The following LRP5 variants were observed in gnomAD, a reference collection of about 807,000 sequenced individuals.
LRP5 encodes low-density lipoprotein receptor-related protein 5.
In LRP5, 62 loss-of-function variants were observed where a neutral mutation model predicts 154.1. The observed-to-expected ratio is 0.40, with a 90% confidence interval of 0.33 to 0.50. The LOEUF is 0.50. Among genes scored for constraint, LRP5 ranks in the 20% least tolerant of loss-of-function variants. The pLI is 0.55. For synonymous variants in LRP5, 966 were observed against 1,011.5 expected (o/e 0.96, Z 0.85); for missense variants, 1,915 against 2,336.7 (o/e 0.82, Z 3.72).
At chr11:68,322,876 G>A (rs2098597488) in intron 1 of LRP5, among the ~76,000 whole-genome samples, 1 of 152,230 alleles carries the variant, frequency 6.6e-6, no homozygotes, top group Admixed American at 6.5e-5. Flanking sequence ...TGGGGTGTGG[G>A]AAACCCAGTG....
Position 68,448,794 on chromosome 11 carries a change from G to A in LRP5, c.4587-15G>A, listed in dbSNP as rs539199855. 5.0e-6 allele frequency: 8 copies of A among 1,602,360 alleles called. No homozygotes were observed. In the African/African-American group the frequency reaches 9.3e-5, roughly 19 times the overall value. On this transcript the variant is annotated splice_polypyrimidine_tract_variant and intron_variant, in intron 22 of 22. Coordinates refer to ENST00000294304, the MANE Select transcript of LRP5 (RefSeq NM_002335.4). Reference sequence around the variant, plus strand: ...TGCCTACCGAATCCCACTCCTCTGTGTGTGTCCCTTTCAGGCCCTACATCA... The same window carrying A: ...TGCCTACCGAATCCCACTCCTCTGTATGTGTCCCTTTCAGGCCCTACATCA...
At chr11:68,354,153 C>T (rs1000005386) in intron 2 of LRP5, among the ~76,000 whole-genome samples, 6 of 152,252 alleles carry the variant, frequency 3.9e-5, no homozygotes, top group African/African-American at 1.2e-4. Context: ...AAATAACACA[C>T]AACCACAACC....
Position 68,423,508 on chromosome 11 carries a change from T to C in LRP5, c.3047T>C (p.Leu1016Pro), listed in dbSNP as rs775499713. The C allele has an allele frequency of 3.8e-5, 62 of 1,614,060 alleles. No homozygotes were observed. The highest frequency in any genetic ancestry group is 4.9e-5 in the Non-Finnish European group (58 of 1,180,026). The change falls in exon 14 of 23, where the codon CTG (leucine) becomes CCG (proline). Residue 1016 changes from leucine (L) to proline (P), a missense_variant. By Grantham distance (98) the Leu-to-Pro change is moderately conservative. Around this residue, in one of 3 missense-constraint regions of LRP5, gnomAD observed 1,094 missense variants for 1,210.1 expected, o/e 0.90. Coordinates refer to ENST00000294304, the MANE Select transcript of LRP5 (RefSeq NM_002335.4). This position sits in a 1 kb window ranked among gnomAD's most constrained non-coding sequence, Gnocchi z 4.7. ...TTACAGCCCTTTGTTTTGACCTCTC[T>C]GAGCCAAGGCCAAAACCCAGACAGG... is the stretch of plus-strand genomic sequence containing the variant. Reference protein sequence around the residue: ...DGTQPFVLTSLSQGQNPDRQP... With the variant: ...DGTQPFVLTSPSQGQNPDRQP...
chr11:68,409,850 C>CAAAA (rs371789773), intron 9 of LRP5, 64 bp from the exon 10 acceptor site: 7 of 1,127,606 alleles, frequency 6.2e-6, no homozygotes, highest in Admixed American at 2.0e-5. Context: ...AACTCCGTCT[C>CAAAA]AAAAAAAAAA....
chr11:68,370,397 C>T (rs1187542703), intron 5 of LRP5, among the ~76,000 whole-genome samples: 1 of 152,074 alleles, frequency 6.6e-6, no homozygotes, highest in Non-Finnish European at 1.5e-5. Context: ...GAGGAGGCTG[C>T]CTGCGCTCAC....
chr11:68,365,173 A>T (rs1164015702), intron 4 of LRP5, among the ~76,000 whole-genome samples: 2 of 151,988 alleles, frequency 1.3e-5, no homozygotes, highest in Admixed American at 1.3e-4. Flanking sequence ...CGGCCATTGG[A>T]GCGTGGGGGG....
the LRP5 span, among the ~76,000 whole-genome samples, chr11:68,299,642 G>A: frequency 6.7e-6 from 1 of 150,096 alleles, no homozygotes; most frequent in Non-Finnish European, 1.5e-5. Context: ...GAGTACAGTG[G>A]CGCAATCTCA....
At chr11:68,425,843 A>C in intron 15 of LRP5, 135 bp from the exon 16 acceptor site, 1 of 770,666 alleles carries the variant, frequency 1.3e-6, no homozygotes, top group South Asian at 1.6e-5. Flanking sequence ...ACTCTGCTGC[A>C]GCTCCCACCC....
intron 1 of LRP5, among the ~76,000 whole-genome samples, chr11:68,316,259 T>C (rs1246640767): frequency 6.6e-6 from 1 of 152,122 alleles, no homozygotes; most frequent in Non-Finnish European, 1.5e-5. Context: ...TAGTACCACG[T>C]ATGGGTGTTT....
chr11:68,324,544 G>A (rs2098598559), intron 1 of LRP5, among the ~76,000 whole-genome samples: 1 of 152,248 alleles, frequency 6.6e-6, no homozygotes, highest in Admixed American at 6.5e-5. Flanking sequence ...GAGGTGTGCA[G>A]AGGATGGGTC....
At chr11:68,391,277 G>T (rs2098646170) in intron 7 of LRP5, among the ~76,000 whole-genome samples, 1 of 150,368 alleles carries the variant, frequency 6.7e-6, no homozygotes, top group Non-Finnish European at 1.5e-5. Context: ...CCTCTGTTGA[G>T]CATATTTTGA....
rs758494958 is a variant in LRP5, at chr11:68,413,898, G to A, written c.2713G>A (p.Asp905Asn). Residue 905 changes from aspartate (D) to asparagine (N), a missense_variant, in exon 12 of 23, where the codon GAC becomes AAC. By Grantham distance (23) the Asp-to-Asn change is conservative. Coordinates refer to ENST00000294304, the MANE Select transcript of LRP5 (RefSeq NM_002335.4). The surrounding 1 kb of genome is among the most constrained non-coding windows in gnomAD (Gnocchi z 5.1). ...CTCCTCCCGCCAGGATGGCCTCAAT[G>A]ACTGTATGCACAACAACGGGCAGTG... ...FHSSRQDGLN[D>N]CMHNNGQCGQ... 16 of 1,612,864 alleles carry A rather than the reference G, an allele frequency of 9.9e-6. No homozygotes were observed. Among genetic ancestry groups the A allele is most frequent in the Non-Finnish European group, 7.6e-6 (9 of 1,180,050 alleles).
intron 1 of LRP5, among the ~76,000 whole-genome samples, chr11:68,326,036 G>C (rs905121291): frequency 2.0e-5 from 3 of 152,228 alleles, no homozygotes; most frequent in African/African-American, 7.2e-5. Context: ...GCATAGTGTG[G>C]CCTGGTGGCC....
Position 68,446,516 on chromosome 11 carries a change from C to T in LRP5, c.4569C>T (p.Ala1523=), listed in dbSNP as rs755440252. The change falls in exon 22 of 23, where the codon GCC becomes GCT. Residue 1523 remains alanine (A), a synonymous_variant. Coordinates refer to ENST00000294304, the MANE Select transcript of LRP5 (RefSeq NM_002335.4). Reference sequence around the variant, plus strand: ...TGTTCTACTCTTCAAACATTCCGGCCACTGCGAGACCGTACAGGTAGGACA... The same window carrying T: ...TGTTCTACTCTTCAAACATTCCGGCTACTGCGAGACCGTACAGGTAGGACA... The part of the protein sequence containing the change: ...MDMFYSSNIP[A]TARPYRPYII... 1.9e-6 allele frequency: 3 copies of T among 1,614,048 alleles called. No homozygotes were observed. Among genetic ancestry groups the T allele is most frequent in the Admixed American group, 3.3e-5 (2 of 60,022 alleles).
At chr11:68,379,593 T>G (rs1431603256) in intron 5 of LRP5, among the ~76,000 whole-genome samples, 2 of 152,248 alleles carry the variant, frequency 1.3e-5, no homozygotes, top group East Asian at 3.8e-4. Flanking sequence ...TGACTGCTGT[T>G]TCTCCTGTTA....
intron 6 of LRP5, among the ~76,000 whole-genome samples, chr11:68,387,758 C>T (rs756552108): frequency 3.9e-5 from 6 of 152,160 alleles, no homozygotes; most frequent in Non-Finnish European, 8.8e-5. Context: ...GCTGTGGGTG[C>T]CGATGGGAAG....
chr11:68,406,567 G>C lies in LRP5; in HGVS notation c.1845G>C (p.Leu615=). The change falls in exon 9 of 23, where the codon CTG becomes CTC. Residue 615 remains leucine (L), a synonymous_variant. Coordinates refer to ENST00000294304, the MANE Select transcript of LRP5 (RefSeq NM_002335.4). ...ACAGGAACGGGGGGTGCAGCCACCT[G>C]TGCTTCTTCACACCCCACGCAACCC... ...CADRNGGCSH[L]CFFTPHATRC... 1 of 1,614,172 alleles carries C rather than the reference G, an allele frequency of 6.2e-7. No individual in the cohort carries two copies. The highest frequency in any genetic ancestry group is 8.5e-7 in the Non-Finnish European group (1 of 1,180,020).
In LRP5 at chr11:68,436,859, C is replaced by T. The variant is rs2098675276; in HGVS notation, c.4001-30C>T. On this transcript the variant is annotated intron_variant, in intron 18 of 22. Coordinates refer to ENST00000294304, the MANE Select transcript of LRP5 (RefSeq NM_002335.4). ...TGGTGGGCTGGGGGGCACCCTCCAG[C>T]CTCTCTGAGTGCATGGCCTCTCCTT... is the stretch of plus-strand genomic sequence containing the variant. 3 of 1,565,694 alleles carry T rather than the reference C, an allele frequency of 1.9e-6. No homozygotes were observed. In the South Asian group the frequency reaches 3.3e-5, roughly 17 times the overall value.
intron 1 of LRP5, among the ~76,000 whole-genome samples, chr11:68,326,489 G>A (rs548387834): frequency 1.3e-5 from 2 of 152,358 alleles, no homozygotes; most frequent in South Asian, 2.1e-4. Context: ...TCTGCCCAAG[G>A]TCCCTGCCCA....
Sources: gnomAD v4.1 joint callset for allele counts (sites outside exome capture counted in the v4.1 genomes callset) on GRCh38, gnomAD v4.1.1 for gene constraint, gnomAD v4.1.1 regional missense constraint, Gnocchi (gnomAD v3.1) non-coding constraint, MANE v1.5 for transcripts, NCBI Gene and HGNC (gene_info 2026-07-23, HGNC 2026-07-21) for gene names.